The following RAP1B variants were observed in gnomAD, a reference collection of about 807,000 sequenced individuals.
RAP1B encodes the protein RAP1B, member of RAS oncogene family.
Under a neutral mutation model 27.5 loss-of-function variants are expected in RAP1B, and 1 was observed. The ratio of observed to expected loss-of-function variants is 0.04; its 90% CI spans 0.01 to 0.17. The LOEUF is 0.17. RAP1B is among the 10% of genes least tolerant of loss of function. RAP1B has a pLI of 1.00. For missense variants in RAP1B, 84 were observed against 214.8 expected, an observed-to-expected ratio of 0.39 and a Z score of 3.81; for synonymous variants, 75 against 73.1, an observed-to-expected ratio of 1.03 and a Z score of -0.13.
chr12:68,661,181 A>T lies in RAP1B; in HGVS notation c.*1932A>T, dbSNP rs1241890696. The T allele has an allele frequency of 6.6e-6, 1 of 152,182 alleles. No homozygotes were observed. The highest frequency in any genetic ancestry group is 1.5e-5 in the Non-Finnish European group (1 of 68,018). The allele number at this position is 152,182 out of a possible 1,614,324, so 9.4% of individuals were successfully genotyped here. Reference sequence around the variant, plus strand: ...TTTAAAGGCTTTCATGTTAAGAAAAAGTCTGATTCTTTACAAAAGGGACTT... The same window carrying T: ...TTTAAAGGCTTTCATGTTAAGAAAATGTCTGATTCTTTACAAAAGGGACTT... On this transcript the variant is annotated 3_prime_UTR_variant, in exon 8 of 8. Transcript: ENST00000250559.
Position 68,662,099 on chromosome 12 carries a change from CTA to C in RAP1B, c.*2859_*2860del, listed in dbSNP as rs1565677552. On this transcript the variant is annotated 3_prime_UTR_variant, in exon 8 of 8. Transcript: ENST00000250559. ...TAGTACAGTGGAGGTCTATATAATA[CTA>C]TATATATAATTTATTTTTTTCAATG... The C allele has an allele frequency of 6.8e-6, 1 of 146,342 alleles. No individual in the cohort carries two copies. The highest frequency in any genetic ancestry group is 2.5e-5 in the African/African-American group (1 of 39,740). 9.1% of individuals were successfully genotyped at this position (146,342 alleles called of 1,614,324 possible).
At chr12:68,649,273 T>G (rs992121309) in intron 2 of RAP1B, 2 of 153,494 alleles carry the variant, frequency 1.3e-5, no homozygotes, top group Admixed American at 6.5e-5. Flanking sequence ...CTTAAACTCC[T>G]GGCCTCAAGT....
chr12:68,613,389 TAAAAAAA>T (rs34380580), intron 1 of RAP1B, among the ~76,000 whole-genome samples: 4 of 123,370 alleles, frequency 3.2e-5, no homozygotes, highest in South Asian at 2.7e-4. Flanking sequence ...AGACCTGTCT[TAAAAAAA>T]AAAAAAAAAA....
At chr12:68,632,150 G>T (rs7953108) in intron 1 of RAP1B, among the ~76,000 whole-genome samples, 14,603 of 75,996 alleles carry the variant, frequency 0.19, 1,355 homozygotes, top group African/African-American at 0.45. Flanking sequence ...TTTTTTGTTT[G>T]TTTTTTTTTT....
Position 68,669,265 on chromosome 12 carries a change from G to C in RAP1B, c.*10016G>C, listed in dbSNP as rs1214386192. On this transcript the variant is annotated 3_prime_UTR_variant, in exon 8 of 8. Transcript: ENST00000250559. ...TATTGAAGGACATAAATCAAGATCT[G>C]AACAAATACACTGGGAAGATAATAT... 1 of 152,160 alleles carries C rather than the reference G, an allele frequency of 6.6e-6. No homozygotes were observed. The highest frequency in any genetic ancestry group is 2.4e-5 in the African/African-American group (1 of 41,444). The allele number at this position is 152,160 out of a possible 1,614,324, so 9.4% of individuals were successfully genotyped here.
At position 68,663,507 on chromosome 12, in the gene RAP1B, A is replaced by G. The variant is rs1159108655; in HGVS notation, c.*4258A>G. On this transcript the variant is annotated 3_prime_UTR_variant, in exon 8 of 8. Coordinates refer to ENST00000250559, the MANE Select transcript of RAP1B (RefSeq NM_001010942.3). ...GATACCTGTTGAAACAAGACTACTA[A>G]ACAGATTAATCAACTAATTCCATAG... is the stretch of plus-strand genomic sequence containing the variant. 1 of 152,218 alleles carries G rather than the reference A, an allele frequency of 6.6e-6. No homozygotes were observed. The highest frequency in any genetic ancestry group is 2.4e-5 in the African/African-American group (1 of 41,458). The allele number at this position is 152,218 out of a possible 1,614,324, so 9.4% of individuals were successfully genotyped here.
At chr12:68,635,808 G>C (rs188197958) in intron 1 of RAP1B, among the ~76,000 whole-genome samples, 2 of 152,076 alleles carry the variant, frequency 1.3e-5, no homozygotes, top group South Asian at 2.1e-4. Flanking sequence ...CTGGGGTTAG[G>C]GGGTGAGTGT....
Position 68,656,411 on chromosome 12 carries a change from T to C in RAP1B, c.430T>C (p.Leu144=). The change falls in exon 6 of 8, where the codon TTA becomes CTA. Residue 144 remains leucine (L), a synonymous_variant. Transcript: ENST00000250559. The part of the protein sequence containing the change: ...LARQWNNCAF[L]ESSAKSKINV... Reference sequence around the variant, plus strand: ...AAGACAATGGAACAACTGTGCATTCTTAGAATCTTCTGCAAAATCAAAAAT... The same window carrying C: ...AAGACAATGGAACAACTGTGCATTCCTAGAATCTTCTGCAAAATCAAAAAT... The C allele has an allele frequency of 1.2e-6, 2 of 1,611,388 alleles. No individual in the cohort carries two copies. Among genetic ancestry groups the C allele is most frequent in the East Asian group, 4.5e-5 (2 of 44,754 alleles).
At chr12:68,635,609 C>T (rs138434884) in intron 1 of RAP1B, among the ~76,000 whole-genome samples, 77 of 152,192 alleles carry the variant, frequency 5.1e-4, no homozygotes, top group African/African-American at 1.8e-3. Context: ...GCGCCCGCCA[C>T]CTCACCCAGC....
At chr12:68,621,355 C>G (rs1221295345) in intron 1 of RAP1B, 1 of 150,112 alleles carries the variant, frequency 6.7e-6, no homozygotes. Flanking sequence ...TTGTCACTGA[C>G]TATTATTTAT....
intron 1 of RAP1B, among the ~76,000 whole-genome samples, chr12:68,629,382 CAT>C (rs1170066930): frequency 6.6e-6 from 1 of 152,152 alleles, no homozygotes; most frequent in Non-Finnish European, 1.5e-5. Context: ...ACCATACAGA[CAT>C]GTCAGTGTTC....
intron 1 of RAP1B, among the ~76,000 whole-genome samples, chr12:68,644,283 C>T (rs1364756134): frequency 1.3e-5 from 2 of 152,044 alleles, no homozygotes. Context: ...TGTTTTTGAG[C>T]TAGTAGATTA....
chr12:68,667,546 CT>C lies in RAP1B; in HGVS notation c.*8299del, dbSNP rs1874907666. On this transcript the variant is annotated 3_prime_UTR_variant, in exon 8 of 8. Coordinates refer to ENST00000250559, the MANE Select transcript of RAP1B (RefSeq NM_001010942.3). Reference sequence around the variant, plus strand: ...GTTGGGTTTCTTGTCTCTGTAATCACTTCTCAAAAATGAATTTGGGCTTCTC... The same window carrying C: ...GTTGGGTTTCTTGTCTCTGTAATCACTCTCAAAAATGAATTTGGGCTTCTC... 1 of 152,172 alleles carries C rather than the reference CT, an allele frequency of 6.6e-6. No individual in the cohort carries two copies. Among genetic ancestry groups the C allele is most frequent in the African/African-American group, 2.4e-5 (1 of 41,438 alleles). 9.4% of individuals were successfully genotyped at this position (152,172 alleles called of 1,614,324 possible). A position where few individuals can be genotyped will look rare whatever the true frequency, so the allele number is the denominator to read the frequency against.
In RAP1B at chr12:68,622,625, T is replaced by C. The variant is rs545930960; in HGVS notation, c.-27+11582T>C. ...CACCTTATATAAAGGAGCATTCCTC[T>C]TCATTACCTCTGTAGTTCTTAATCA... On this transcript the variant is annotated intron_variant, in intron 1 of 7. Transcript: ENST00000250559. 6.4e-4 allele frequency among the ~76,000 whole-genome samples: 98 copies of C among 152,336 alleles called. 1 individual carries two copies. The South Asian group carries it at 0.02, about 31-fold the overall frequency.
intron 1 of RAP1B, among the ~76,000 whole-genome samples, chr12:68,611,749 C>T (rs897079361): frequency 6.6e-6 from 1 of 152,270 alleles, no homozygotes; most frequent in Admixed American, 6.5e-5. Flanking sequence ...GGGCCTTTCC[C>T]TTCGTCAGCA....
At chr12:68,638,027 T>A (rs1000886436) in intron 1 of RAP1B, among the ~76,000 whole-genome samples, 1 of 152,194 alleles carries the variant, frequency 6.6e-6, no homozygotes, top group Non-Finnish European at 1.5e-5. Flanking sequence ...AATACAAATT[T>A]AAGTTTTTAA....
chr12:68,628,138 G>T (rs1204878460), intron 1 of RAP1B, among the ~76,000 whole-genome samples: 1 of 152,102 alleles, frequency 6.6e-6, no homozygotes, highest in Non-Finnish European at 1.5e-5. Flanking sequence ...CCAGATACTA[G>T]CTTTTCCAGC....
chr12:68,636,672 C>G (rs968391995), intron 1 of RAP1B, among the ~76,000 whole-genome samples: 1 of 152,078 alleles, frequency 6.6e-6, no homozygotes, highest in Non-Finnish European at 1.5e-5. Context: ...CCTCAGCCTC[C>G]CAAAATGCTG....
At position 68,666,892 on chromosome 12, in the gene RAP1B, G is replaced by A. The variant is rs1874877756; in HGVS notation, c.*7643G>A. On this transcript the variant is annotated 3_prime_UTR_variant, in exon 8 of 8. Transcript: ENST00000250559. Reference sequence around the variant, plus strand: ...GCCCCAGAATTAAGCTACTCTACAAGGATTCTGAGGGAAGTCTGGGATTAG... The same window carrying A: ...GCCCCAGAATTAAGCTACTCTACAAAGATTCTGAGGGAAGTCTGGGATTAG... 2 of 152,110 alleles carry A rather than the reference G, an allele frequency of 1.3e-5. No homozygotes were observed. The highest frequency in any genetic ancestry group is 4.1e-4 in the South Asian group (2 of 4,830). The allele number at this position is 152,110 out of a possible 1,614,324, so 9.4% of individuals were successfully genotyped here.
Sources: allele counts gnomAD v4.1 joint callset (sites outside exome capture counted in the v4.1 genomes callset), GRCh38; gene constraint gnomAD v4.1.1; transcripts MANE v1.5; gene names NCBI Gene and HGNC (gene_info 2026-07-23, HGNC 2026-07-21).